Variants in MAGT1 observed in about 807,000 individuals in gnomAD.
MAGT1 encodes magnesium transporter 1.
MAGT1 carries 4 observed loss-of-function variants against 28.4 expected under a neutral mutation model. That is an observed-to-expected ratio of 0.14 (90% CI 0.07 to 0.32). The LOEUF (loss-of-function observed/expected upper bound fraction) is 0.32. Ranked by LOEUF, MAGT1 falls within the 10% of genes least tolerant of loss-of-function variation. The pLI, the probability that MAGT1 is intolerant of heterozygous loss-of-function variation, is 1.00. For missense variants in MAGT1, 193 were observed against 264.5 expected (o/e 0.73, Z 1.88); for synonymous variants, 89 against 89.7 (o/e 0.99, Z 0.04).
chrX:77,884,356 T>C lies in MAGT1; in HGVS notation c.103-8759A>G, dbSNP rs886203722. Among the ~76,000 whole-genome samples, 3 of 112,049 alleles carry C rather than the reference T, an allele frequency of 2.7e-5. No homozygotes were observed. In the Admixed American group the frequency reaches 2.9e-4, roughly 11 times the overall value. ...AGAAAATAATAGCTACTATTTGGAA[T>C]GTCTAGCGGGTGTCAGGCAGTTACT... On this transcript the variant is annotated intron_variant, in intron 1 of 9. Transcript: ENST00000618282.
intron 1 of MAGT1, among the ~76,000 whole-genome samples, chrX:77,884,713 A>C (rs782149945): frequency 9.2e-6 from 1 of 108,732 alleles, no homozygotes; most frequent in Non-Finnish European, 1.9e-5. Flanking sequence ...CAGCTGCAAC[A>C]ACCAAAAATA....
intron 6 of MAGT1, among the ~76,000 whole-genome samples, chrX:77,854,589 T>C (rs2076976860): frequency 1.8e-5 from 2 of 110,551 alleles, no homozygotes; most frequent in Non-Finnish European, 1.9e-5. Flanking sequence ...CCTCAAGTGG[T>C]CCTCCTGCCT....
In MAGT1 at chrX:77,828,995, G is replaced by A; in HGVS notation, c.*225C>T. On this transcript the variant is annotated 3_prime_UTR_variant, in exon 10 of 10. Transcript: ENST00000618282. The stretch of plus-strand genomic sequence containing the variant: ...TTAAATGTTCCATAAAGTTCACTGG[G>A]AAGAGAAGGTTAAGAGGATAATTAT... 1 of 346,947 alleles carries A rather than the reference G, an allele frequency of 2.9e-6. No individual in the cohort carries two copies. The highest frequency in any genetic ancestry group is 5.2e-6 in the Non-Finnish European group (1 of 194,174). 28.6% of individuals were successfully genotyped at this position (346,947 alleles called of 1,213,427 possible). A position where few individuals can be genotyped will look rare whatever the true frequency, so the allele number is the denominator to read the frequency against.
At chrX:77,881,178 A>G (rs912509381) in intron 1 of MAGT1, among the ~76,000 whole-genome samples, 2 of 110,922 alleles carry the variant, frequency 1.8e-5, no homozygotes, top group African/African-American at 6.5e-5. Flanking sequence ...AATGATTCTC[A>G]GAGCACAGAA....
intron 5 of MAGT1, 60 bp from the exon 6 acceptor site, chrX:77,855,650 A>G: frequency 2.3e-6 from 2 of 880,011 alleles, no homozygotes; most frequent in African/African-American, 2.0e-5. Flanking sequence ...TTGATTAGAT[A>G]ACAGGAATAT....
At chrX:77,880,255 C>T (rs1460818931) in intron 1 of MAGT1, among the ~76,000 whole-genome samples, 3 of 109,090 alleles carry the variant, frequency 2.8e-5, no homozygotes, top group African/African-American at 6.7e-5. Flanking sequence ...GTAGGCCAGG[C>T]GCGGTGGCTC....
At chrX:77,893,599 TA>T (rs1557219660) in intron 1 of MAGT1, among the ~76,000 whole-genome samples, 1 of 111,772 alleles carries the variant, frequency 8.9e-6, no homozygotes, top group African/African-American at 3.3e-5. Context: ...ACTTTTTAAT[TA>T]AAAAGAATAA....
intron 1 of MAGT1, among the ~76,000 whole-genome samples, chrX:77,878,056 T>C (rs2077040652): frequency 9.8e-6 from 1 of 102,109 alleles, no homozygotes; most frequent in South Asian, 4.4e-4. Context: ...CCGAGGCGGG[T>C]GGATCGCTTG....
intron 7 of MAGT1, among the ~76,000 whole-genome samples, chrX:77,846,837 G>A: frequency 8.9e-6 from 1 of 111,783 alleles, no homozygotes; most frequent in Non-Finnish European, 1.9e-5. Context: ...GTGTCAGTCT[G>A]TCCCTACTGG....
intron 3 of MAGT1, among the ~76,000 whole-genome samples, chrX:77,863,772 C>T (rs1399734714): frequency 1.8e-5 from 2 of 112,086 alleles, no homozygotes; most frequent in Non-Finnish European, 3.8e-5. Context: ...AATCCTACCA[C>T]TTTGGGAGGC....
intron 3 of MAGT1, among the ~76,000 whole-genome samples, chrX:77,865,496 T>G (rs1233269069): frequency 1.8e-5 from 2 of 108,643 alleles, no homozygotes; most frequent in Non-Finnish European, 3.8e-5. Context: ...GGTTTCACCG[T>G]GTTAGCCAGG....
At chrX:77,889,453 G>T (rs2077076185) in intron 1 of MAGT1, among the ~76,000 whole-genome samples, 1 of 105,205 alleles carries the variant, frequency 9.5e-6, no homozygotes, top group Non-Finnish European at 1.9e-5. Flanking sequence ...CTCACTGCAA[G>T]CTCTGCCTCC....
chrX:77,835,237 G>C (rs2076913112), intron 8 of MAGT1, among the ~76,000 whole-genome samples: 3 of 110,642 alleles, frequency 2.7e-5, no homozygotes, highest in African/African-American at 9.9e-5. Flanking sequence ...TGGGATTACA[G>C]GCGTGAGCCA....
intron 3 of MAGT1, among the ~76,000 whole-genome samples, chrX:77,869,779 A>G (rs2077016038): frequency 9.0e-6 from 1 of 111,611 alleles, no homozygotes; most frequent in African/African-American, 3.2e-5. Flanking sequence ...GTGAAAAGGG[A>G]ACACTTTTAA....
chrX:77,860,011 T>C (rs1299173141), intron 3 of MAGT1, among the ~76,000 whole-genome samples: 2 of 112,526 alleles, frequency 1.8e-5, no homozygotes, highest in Non-Finnish European at 3.7e-5. Flanking sequence ...TACTTTATCA[T>C]TATCATACTA....
intron 1 of MAGT1, among the ~76,000 whole-genome samples, chrX:77,890,117 T>G (rs2077078387): frequency 8.9e-6 from 1 of 112,696 alleles, no homozygotes; most frequent in Admixed American, 9.5e-5. Context: ...ATCTCATTCT[T>G]TTTTATGGCT....
intron 3 of MAGT1, among the ~76,000 whole-genome samples, chrX:77,870,166 G>A (rs958374780): frequency 2.7e-5 from 3 of 111,511 alleles, no homozygotes; most frequent in South Asian, 3.7e-4. Flanking sequence ...ACCAAATATC[G>A]TTATGTTCTC....
chrX:77,855,223 G>C (rs940981373), intron 6 of MAGT1, among the ~76,000 whole-genome samples: 2 of 111,230 alleles, frequency 1.8e-5, no homozygotes, highest in Non-Finnish European at 3.8e-5. Context: ...TGAGGCAGGA[G>C]AATCACTTGA....
chrX:77,834,189 TATATATATGC>T (rs2076906963), intron 8 of MAGT1, among the ~76,000 whole-genome samples: 1 of 101,839 alleles, frequency 9.8e-6, no homozygotes, highest in Non-Finnish European at 2.0e-5. Flanking sequence ...TGCATATATG[TATATATATGC>T]ATATATATAC....
Sources: gnomAD v4.1 joint callset for allele counts (sites outside exome capture counted in the v4.1 genomes callset) on GRCh38, gnomAD v4.1.1 for gene constraint, MANE v1.5 for transcripts, NCBI Gene and HGNC (gene_info 2026-07-23, HGNC 2026-07-21) for gene names.